Variants in SYT14 observed in about 807,000 individuals in gnomAD.
SYT14 encodes synaptotagmin-14.
A neutral mutation model predicts 74.2 loss-of-function variants in SYT14; 32 were observed. That is an observed-to-expected ratio of 0.43 (90% CI 0.33 to 0.58). SYT14 has a LOEUF of 0.58. SYT14 is among the 20% of genes least tolerant of loss of function. The pLI is 0.05. For synonymous variants in SYT14, 298 were observed against 337.7 expected (o/e 0.88, Z 1.29); for missense variants, 791 against 981.8 (o/e 0.81, Z 2.60).
intron 5 of SYT14, among the ~76,000 whole-genome samples, chr1:210,049,246 G>A (rs1461524860): frequency 6.6e-6 from 1 of 152,158 alleles, no homozygotes; most frequent in Non-Finnish European, 1.5e-5. Flanking sequence ...CTGTGTGGGT[G>A]CTTCGACCCC....
At chr1:209,945,436 G>T (rs528598653) in intron 1 of SYT14, among the ~76,000 whole-genome samples, 1 of 152,302 alleles carries the variant, frequency 6.6e-6, no homozygotes, top group South Asian at 2.1e-4. Flanking sequence ...AGAGGGTAGT[G>T]ACGATGGTCT....
At chr1:209,952,780 A>T in intron 2 of SYT14, 24 bp downstream of exon 2, 1 of 1,586,228 alleles carries the variant, frequency 6.3e-7, no homozygotes, top group African/African-American at 1.3e-5. Flanking sequence ...CTGCATGGCT[A>T]TTTACATACT....
chr1:210,022,997 C>T (rs2080334111), intron 5 of SYT14, among the ~76,000 whole-genome samples: 1 of 152,164 alleles, frequency 6.6e-6, no homozygotes, highest in African/African-American at 2.4e-5. Context: ...GCCCTAACCT[C>T]TGCAAGTGGT....
rs531191136 is a variant in SYT14, at chr1:210,129,493, G to A, written c.2035-26228G>A. On this transcript the variant is annotated intron_variant, in intron 7 of 9. Transcript: ENST00000637265. ...GGTCACCTTCCAAATCACATTAGAT[G>A]AAAGTTAGAAAGGAGTTAAGTTCAT... Among the ~76,000 whole-genome samples the A allele has an allele frequency of 3.3e-5, 5 of 152,304 alleles. No homozygotes were observed. In the East Asian group the frequency reaches 5.8e-4, roughly 18 times the overall value.
intron 5 of SYT14, among the ~76,000 whole-genome samples, chr1:210,030,588 C>G (rs1185286660): frequency 6.6e-6 from 1 of 152,038 alleles, no homozygotes; most frequent in African/African-American, 2.4e-5. Flanking sequence ...CTTTTTCTTG[C>G]CTAATTGCTC....
chr1:210,116,417 C>A (rs2102596925), intron 7 of SYT14, among the ~76,000 whole-genome samples: 1 of 152,330 alleles, frequency 6.6e-6, no homozygotes, highest in South Asian at 2.1e-4. Context: ...CAGCTCACTG[C>A]AACCTCCACT....
intron 1 of SYT14, 83 bp from the exon 2 acceptor site, chr1:209,952,626 T>A: frequency 3.3e-6 from 4 of 1,203,790 alleles, no homozygotes; most frequent in Middle Eastern, 1.9e-4. Context: ...CACTTTTAGG[T>A]GCTAATTTAA....
chr1:210,003,380 A>G (rs968048983), intron 2 of SYT14, among the ~76,000 whole-genome samples: 3 of 152,056 alleles, frequency 2.0e-5, no homozygotes, highest in Non-Finnish European at 2.9e-5. Context: ...GAAACCTTTT[A>G]ATTACTGTTT....
At chr1:210,048,467 C>T (rs763221448) in intron 5 of SYT14, among the ~76,000 whole-genome samples, 33 of 152,216 alleles carry the variant, frequency 2.2e-4, no homozygotes, top group Admixed American at 6.5e-4. Flanking sequence ...AGAGCTGCTG[C>T]GGGAAAGTCC....
At chr1:210,075,354 T>TTAG (rs1020867035) in intron 5 of SYT14, among the ~76,000 whole-genome samples, 11 of 150,932 alleles carry the variant, frequency 7.3e-5, no homozygotes, top group African/African-American at 2.2e-4. Context: ...TTTTTTTTTT[T>TTAG]TTTTTGAGAC....
chr1:209,942,914 GTA>G (rs539822519), intron 1 of SYT14, among the ~76,000 whole-genome samples: 10 of 152,110 alleles, frequency 6.6e-5, no homozygotes, highest in East Asian at 5.8e-4. Context: ...GTGTGTGTTT[GTA>G]TATGTGTGTG....
chr1:210,075,698 A>C (rs112444938), intron 5 of SYT14, among the ~76,000 whole-genome samples: 310 of 152,156 alleles, frequency 2.0e-3, no homozygotes, highest in African/African-American at 6.9e-3. Flanking sequence ...TAGGAAATGC[A>C]ACATTTGGGC....
At chr1:210,120,788 C>T (rs2082444932) in intron 7 of SYT14, among the ~76,000 whole-genome samples, 1 of 151,828 alleles carries the variant, frequency 6.6e-6, no homozygotes, top group African/African-American at 2.4e-5. Context: ...TTAGAAGTAC[C>T]TTTTTTGTTA....
chr1:210,048,344 G>T (rs1438127789), intron 5 of SYT14, among the ~76,000 whole-genome samples: 3 of 152,038 alleles, frequency 2.0e-5, no homozygotes, highest in Admixed American at 1.3e-4. Flanking sequence ...CCCAAGACTG[G>T]GCAATTTACA....
At chr1:210,085,366 T>A (rs891444360) in intron 5 of SYT14, among the ~76,000 whole-genome samples, 1 of 152,230 alleles carries the variant, frequency 6.6e-6, no homozygotes, top group African/African-American at 2.4e-5. Flanking sequence ...TTACATCTTC[T>A]TTTTCTCCCC....
At chr1:209,973,069 A>C (rs1029399200) in intron 2 of SYT14, among the ~76,000 whole-genome samples, 1 of 152,068 alleles carries the variant, frequency 6.6e-6, no homozygotes, top group Non-Finnish European at 1.5e-5. Flanking sequence ...AGTCTTGTTT[A>C]ATTGGACACT....
chr1:210,133,416 A>G (rs1377206855), intron 7 of SYT14, among the ~76,000 whole-genome samples: 1 of 152,242 alleles, frequency 6.6e-6, no homozygotes, highest in Non-Finnish European at 1.5e-5. Flanking sequence ...CTTCATATTT[A>G]CTGAAAGTAT....
intron 2 of SYT14, among the ~76,000 whole-genome samples, chr1:209,992,737 A>C (rs905450915): frequency 6.6e-6 from 1 of 152,198 alleles, no homozygotes; most frequent in Non-Finnish European, 1.5e-5. Context: ...AAGGGGGGAC[A>C]AGATGGCCTA....
intron 1 of SYT14, 63 bp downstream of exon 1, chr1:209,938,340 G>C: frequency 6.6e-7 from 1 of 1,505,100 alleles, no homozygotes; most frequent in South Asian, 1.2e-5. Context: ...GGGGCTCGGA[G>C]GTGCGCCGGC....
Sources: allele counts gnomAD v4.1 joint callset (sites outside exome capture counted in the v4.1 genomes callset), GRCh38; gene constraint gnomAD v4.1.1; transcripts MANE v1.5; gene names NCBI Gene and HGNC (gene_info 2026-07-23, HGNC 2026-07-21).